Variants in CHCHD4 observed in about 807,000 individuals in gnomAD.
CHCHD4 encodes mitochondrial intermembrane space import and assembly protein 40.
Under a neutral mutation model 12.4 loss-of-function variants are expected in CHCHD4, and 7 were observed. That is an observed-to-expected ratio of 0.57 (90% CI 0.32 to 1.06). The LOEUF (loss-of-function observed/expected upper bound fraction) is 1.06, where lower values mean the gene tolerates loss of function less well. CHCHD4 is among the 50% of genes least tolerant of loss of function. CHCHD4 has a pLI of 0.04. For missense variants in CHCHD4, 143 were observed against 175.1 expected, an observed-to-expected ratio of 0.82 and a Z score of 1.03; for synonymous variants, 56 against 58.0, an observed-to-expected ratio of 0.97 and a Z score of 0.16.
chr3:14,124,460 C>G (rs1051835533), intron 1 of CHCHD4, among the ~76,000 whole-genome samples, 195 bp downstream of exon 1: 5 of 152,114 alleles, frequency 3.3e-5, no homozygotes, highest in Non-Finnish European at 5.9e-5. Flanking sequence ...GCCCCGTTCC[C>G]CCCAGAGCTT....
intron 1 of CHCHD4, 21 bp downstream of exon 1, chr3:14,124,634 G>A: frequency 1.3e-6 from 2 of 1,509,062 alleles, no homozygotes; most frequent in Non-Finnish European, 1.8e-6. Context: ...GCCGGTCTCC[G>A]TGGCAGCCCG....
chr3:14,114,660 T>C (rs1273348945), intron 2 of CHCHD4, among the ~76,000 whole-genome samples: 1 of 152,138 alleles, frequency 6.6e-6, no homozygotes, highest in African/African-American at 2.4e-5. Flanking sequence ...AGGTGGTTGA[T>C]TAAAAAAAAT....
At chr3:14,121,989 G>A (rs1226410703) in intron 1 of CHCHD4, 1 of 1,613,928 alleles carries the variant, frequency 6.2e-7, no homozygotes, top group African/African-American at 1.3e-5. Flanking sequence ...CAGTGGAGAA[G>A]ACGGAAGGGG....
In CHCHD4 at chr3:14,124,729, C is replaced by T. The variant is rs1006968968; in HGVS notation, c.-53G>A. 3.3e-6 allele frequency: 5 copies of T among 1,509,136 alleles called. No individual in the cohort carries two copies. The highest frequency in any genetic ancestry group is 4.4e-6 in the Non-Finnish European group (5 of 1,129,540). The allele number at this position is 1,509,136 out of a possible 1,614,324, so 93.5% of individuals were successfully genotyped here. A position where few individuals can be genotyped will look rare whatever the true frequency, so the allele number is the denominator to read the frequency against. ...AGAAGCGGCGGTGGCGGCAGCTGCA[C>T]CTTTACGCCGTGACCTCCCTCTCCT... On this transcript the variant is annotated 5_prime_UTR_variant, in exon 1 of 3. The change creates a new upstream start codon in the 5' untranslated region. Transcript: ENST00000396914.
At chr3:14,118,699 T>C (rs1362629778) in intron 1 of CHCHD4, among the ~76,000 whole-genome samples, 1 of 152,228 alleles carries the variant, frequency 6.6e-6, no homozygotes, top group Admixed American at 6.5e-5. Context: ...TGTGGCTGAC[T>C]GGGGAAAGCT....
At chr3:14,116,673 T>C (rs1026011975) in intron 1 of CHCHD4, 149 bp from the exon 2 acceptor site, 2 of 666,456 alleles carry the variant, frequency 3.0e-6, no homozygotes, top group African/African-American at 1.8e-5. Flanking sequence ...TCTCATATGC[T>C]AGGGGTAGCA....
In CHCHD4 at chr3:14,112,962, C is replaced by A; in HGVS notation, c.354G>T (p.Lys118Asn). The A allele has an allele frequency of 2.5e-6, 4 of 1,612,912 alleles. No homozygotes were observed. The highest frequency in any genetic ancestry group is 3.4e-6 in the Non-Finnish European group (4 of 1,179,470). Residue 118 changes from lysine to asparagine, a missense_variant, in exon 3 of 3, where the codon AAG becomes AAT. Physicochemically the swap from Lys to Asn is moderately conservative, Grantham distance 94. Coordinates refer to ENST00000396914, the MANE Select transcript of CHCHD4 (RefSeq NM_001098502.2). ...TTTCTTCTGCTTGTTCTGCTGGCTT[C>A]TTCTCTCTTTCCTCTTCCTCATCCT... ...EDEDEEEEREKKPAEQAEETA... is the reference protein window; with the variant it reads ...EDEDEEEERENKPAEQAEETA...
At chr3:14,124,578 G>C (rs1694983296) in intron 1 of CHCHD4, 77 bp downstream of exon 1, 8 of 1,360,078 alleles carry the variant, frequency 5.9e-6, no homozygotes, top group Non-Finnish European at 7.7e-6. Context: ...CGCCCGGCGT[G>C]GTCGCGGGGC....
intron 1 of CHCHD4, among the ~76,000 whole-genome samples, chr3:14,118,205 A>G (rs1026589042): frequency 2.6e-5 from 4 of 152,244 alleles, no homozygotes; most frequent in Non-Finnish European, 5.9e-5. Context: ...GGTATGGCCA[A>G]AAGTGCCTGG....
intron 1 of CHCHD4, 25 bp downstream of exon 1, chr3:14,124,630 C>T (rs1038620320): frequency 1.1e-5 from 17 of 1,507,840 alleles, no homozygotes; most frequent in African/African-American, 1.5e-5. Flanking sequence ...GTAGGCCGGT[C>T]TCCGTGGCAG....
rs1694831331 is a variant in CHCHD4, at chr3:14,112,447, G to C, written c.*440C>G. On this transcript the variant is annotated 3_prime_UTR_variant, in exon 3 of 3. Transcript: ENST00000396914. ...AATCATATCTGACCATCTGGCCTCT[G>C]CTAGTAGATATGGCCCCATCCCAGC... is the stretch of plus-strand genomic sequence containing the variant. 1 of 159,990 alleles carries C rather than the reference G, an allele frequency of 6.3e-6. No individual in the cohort carries two copies. The highest frequency in any genetic ancestry group is 2.4e-5 in the African/African-American group (1 of 41,552). The allele number at this position is 159,990 out of a possible 1,614,324, so 9.9% of individuals were successfully genotyped here. A position where few individuals can be genotyped will look rare whatever the true frequency, so the allele number is the denominator to read the frequency against.
At chr3:14,117,743 G>A (rs1168339955) in intron 1 of CHCHD4, among the ~76,000 whole-genome samples, 1 of 152,200 alleles carries the variant, frequency 6.6e-6, no homozygotes, top group Non-Finnish European at 1.5e-5. Context: ...GCCACCCTGA[G>A]AGGGAGGTAG....
rs529002650 is a variant in CHCHD4, at chr3:14,118,143, C to T, written c.23-1619G>A. Among the ~76,000 whole-genome samples, 3 of 152,282 alleles carry T rather than the reference C, an allele frequency of 2.0e-5. No individual in the cohort carries two copies. The South Asian group carries it at 6.2e-4, about 32-fold the overall frequency. On this transcript the variant is annotated intron_variant, in intron 1 of 2. Coordinates refer to ENST00000396914, the MANE Select transcript of CHCHD4 (RefSeq NM_001098502.2). ...TCCTAGAAGATCTGGGGTACTGGGACCCTCATCTGGAAGGGGATAGGAGGT... is the reference window on the plus strand; with the variant it reads ...TCCTAGAAGATCTGGGGTACTGGGATCCTCATCTGGAAGGGGATAGGAGGT...
At chr3:14,115,978 G>A (rs1694872512) in intron 2 of CHCHD4, among the ~76,000 whole-genome samples, 1 of 152,202 alleles carries the variant, frequency 6.6e-6, no homozygotes, top group Non-Finnish European at 1.5e-5. Flanking sequence ...GACTCCTGCT[G>A]CTAGAAAGCT....
At chr3:14,115,915 G>A (rs1218444874) in intron 2 of CHCHD4, among the ~76,000 whole-genome samples, 1 of 152,220 alleles carries the variant, frequency 6.6e-6, no homozygotes, top group Non-Finnish European at 1.5e-5. Flanking sequence ...AGCGACCACT[G>A]TTATATTCAG....
At chr3:14,117,514 G>A (rs1264975661) in intron 1 of CHCHD4, among the ~76,000 whole-genome samples, 1 of 152,182 alleles carries the variant, frequency 6.6e-6, no homozygotes, top group Non-Finnish European at 1.5e-5. Context: ...GCTACACCTT[G>A]TAGCTGTCAA....
intron 1 of CHCHD4, among the ~76,000 whole-genome samples, chr3:14,122,973 G>A (rs1310135987): frequency 6.7e-6 from 1 of 150,042 alleles, no homozygotes; most frequent in Non-Finnish European, 1.5e-5. Context: ...GATCACATAA[G>A]CTCTGATACA....
At chr3:14,119,277 G>A (rs894512656) in intron 1 of CHCHD4, 5 of 152,218 alleles carry the variant, frequency 3.3e-5, no homozygotes, top group African/African-American at 9.7e-5. Flanking sequence ...TCACTGGTGG[G>A]TATTACTTTA....
chr3:14,123,012 A>G (rs1168332992), intron 1 of CHCHD4, among the ~76,000 whole-genome samples: 1 of 146,074 alleles, frequency 6.8e-6, no homozygotes, highest in East Asian at 2.1e-4. Flanking sequence ...TTTTTTAAAA[A>G]TCCTATGGGA....
Sources: allele counts gnomAD v4.1 joint callset (sites outside exome capture counted in the v4.1 genomes callset), GRCh38; gene constraint gnomAD v4.1.1; transcripts MANE v1.5; gene names NCBI Gene and HGNC (gene_info 2026-07-23, HGNC 2026-07-21).